The following PDLIM5 variants were observed in gnomAD, a reference collection of about 807,000 sequenced individuals.
PDLIM5 encodes PDZ and LIM domain 5, also known as PDZ and LIM domain protein 5.
Under a neutral mutation model 64.2 loss-of-function variants are expected in PDLIM5, and 34 were observed. That is an observed-to-expected ratio of 0.53 (90% CI 0.40 to 0.71). PDLIM5 has a LOEUF of 0.71. PDLIM5 is among the 30% of genes least tolerant of loss of function. PDLIM5 has a pLI of 0.00. For synonymous variants in PDLIM5, 253 were observed against 269.1 expected (o/e 0.94, Z 0.59); for missense variants, 683 against 733.6 (o/e 0.93, Z 0.80).
Position 94,654,602 on chromosome 4 carries a change from GC to G in PDLIM5, c.1430del (p.Pro477LeufsTer18), listed in dbSNP as rs768300385. On this transcript the variant is annotated frameshift_variant, in exon 10 of 13. Coordinates refer to ENST00000317968, the MANE Select transcript of PDLIM5 (RefSeq NM_006457.5). LOFTEE classifies it high-confidence loss of function. ...TGAGCTGTGCTATGAGAAATTCTTT[GC>G]CCCTGAATGTGGTCGATGCCAAAGG... Reference protein sequence around the residue: ...YCELCYEKFFAPECGRCQRKI... With the variant: ...YCELCYEKFFXPECGRCQRKI... The G allele has an allele frequency of 6.2e-7, 1 of 1,612,786 alleles. No homozygotes were observed. The highest frequency in any genetic ancestry group is 1.1e-5 in the South Asian group (1 of 90,990).
Position 94,526,130 on chromosome 4 carries a change from C to T in PDLIM5, c.248+2255C>T, listed in dbSNP as rs541079069. On this transcript the variant is annotated intron_variant, in intron 3 of 12. Transcript: ENST00000317968. ...AGGGTATGAGCTCTTTCATGGGTTGCGTACAATTTCTTTCATACCAGCCTG... is the reference window on the plus strand; with the variant it reads ...AGGGTATGAGCTCTTTCATGGGTTGTGTACAATTTCTTTCATACCAGCCTG... 9.2e-5 allele frequency among the ~76,000 whole-genome samples: 14 copies of T among 152,254 alleles called. No individual in the cohort carries two copies. In the East Asian group the frequency reaches 1.9e-3, roughly 21 times the overall value.
At chr4:94,479,756 TG>T (rs2126104708) in intron 2 of PDLIM5, among the ~76,000 whole-genome samples, 2 of 152,336 alleles carry the variant, frequency 1.3e-5, no homozygotes, top group South Asian at 4.1e-4. Context: ...TCATATCTTG[TG>T]TTTTTTTTAC....
chr4:94,610,933 G>T, intron 7 of PDLIM5: 1 of 602,690 alleles, frequency 1.7e-6, no homozygotes, highest in South Asian at 2.0e-5. Flanking sequence ...GCTGCTTTGT[G>T]CTTCCCCTCC....
At position 94,548,274 on chromosome 4, in the gene PDLIM5, C is replaced by T. The variant is rs538219160; in HGVS notation, c.248+24399C>T. Among the ~76,000 whole-genome samples, 27 of 152,278 alleles carry T rather than the reference C, an allele frequency of 1.8e-4. No homozygotes were observed. The South Asian group carries it at 5.6e-3, about 32-fold the overall frequency. ...CTTAATTCAGAAGAGCCCATACCTA[C>T]CACTCAAATGGATTGCCATCCAACA... On this transcript the variant is annotated intron_variant, in intron 3 of 12. Transcript: ENST00000317968.
chr4:94,481,831 G>C (rs1264715799), intron 2 of PDLIM5, among the ~76,000 whole-genome samples: 1 of 151,962 alleles, frequency 6.6e-6, no homozygotes, highest in Non-Finnish European at 1.5e-5. Context: ...GGATGGTCTT[G>C]ATCTCCTGAC....
chr4:94,456,997 A>C, intron 2 of PDLIM5: 1 of 981,628 alleles, frequency 1.0e-6, no homozygotes, highest in Non-Finnish European at 1.2e-6. Flanking sequence ...CTTTACCTTA[A>C]ATTTAGTTAG....
intron 5 of PDLIM5, among the ~76,000 whole-genome samples, chr4:94,576,522 ATG>A (rs1735275266): frequency 6.6e-6 from 1 of 152,214 alleles, no homozygotes; most frequent in African/African-American, 2.4e-5. Context: ...TCATGTCTAT[ATG>A]TGAAGCATTA....
chr4:94,604,655 C>T (rs1737768903), intron 7 of PDLIM5, among the ~76,000 whole-genome samples: 1 of 151,718 alleles, frequency 6.6e-6, no homozygotes, highest in Non-Finnish European at 1.5e-5. Context: ...TTAAAGTAGT[C>T]ATCTTCATAG....
Position 94,654,469 on chromosome 4 carries a change from C to T in PDLIM5, c.1293C>T (p.Phe431=). 1 of 1,607,960 alleles carries T rather than the reference C, an allele frequency of 6.2e-7. No homozygotes were observed. Among genetic ancestry groups the T allele is most frequent in the Admixed American group, 1.7e-5 (1 of 59,916 alleles). ...AHCNQVIRGP[F]LVALGKSWHP... ...CTTTTTCTTCTGTCAGAGGACCATT[C>T]TTAGTGGCACTGGGGAAATCTTGGC... Residue 431 remains phenylalanine (F), a synonymous_variant, in exon 10 of 13, where the codon TTC becomes TTT. Transcript: ENST00000317968.
chr4:94,582,630 T>G (rs894085542), intron 5 of PDLIM5: 4 of 780,280 alleles, frequency 5.1e-6, no homozygotes, highest in Admixed American at 2.4e-5. Flanking sequence ...TTTTCTCCCC[T>G]CTTTGTCTGT....
chr4:94,621,523 T>C (rs542132710), intron 8 of PDLIM5, among the ~76,000 whole-genome samples: 4 of 152,158 alleles, frequency 2.6e-5, no homozygotes, highest in Non-Finnish European at 2.9e-5. Context: ...ATTTCTGAGG[T>C]AGAAACCGAA....
chr4:94,605,353 G>A (rs369210263), intron 7 of PDLIM5, among the ~76,000 whole-genome samples: 1 of 150,926 alleles, frequency 6.6e-6, no homozygotes, highest in Admixed American at 6.5e-5. Context: ...CAGAGATGGT[G>A]CAGAAATAGA....
chr4:94,499,836 T>A (rs774112808), intron 2 of PDLIM5, among the ~76,000 whole-genome samples: 18 of 152,288 alleles, frequency 1.2e-4, no homozygotes, highest in Non-Finnish European at 2.2e-4. Context: ...CGAACCCTAT[T>A]GTGAACTGCA....
intron 3 of PDLIM5, among the ~76,000 whole-genome samples, chr4:94,534,996 A>G (rs1002032896): frequency 2.6e-5 from 4 of 152,226 alleles, no homozygotes; most frequent in Non-Finnish European, 5.9e-5. Flanking sequence ...TGAAGTCAGA[A>G]TACTAAGCCT....
intron 3 of PDLIM5, among the ~76,000 whole-genome samples, chr4:94,557,820 G>T (rs957805812): frequency 7.9e-5 from 12 of 152,284 alleles, no homozygotes; most frequent in African/African-American, 2.9e-4. Flanking sequence ...AGACGATGGA[G>T]TTTTCTAGAT....
intron 7 of PDLIM5, chr4:94,588,104 T>A: frequency 1.1e-6 from 1 of 933,356 alleles, no homozygotes; most frequent in Non-Finnish European, 1.3e-6. Flanking sequence ...GGAAAAGTAT[T>A]GTAATAAAGT....
intron 2 of PDLIM5, among the ~76,000 whole-genome samples, chr4:94,467,253 T>C (rs538246492): frequency 6.6e-6 from 1 of 152,314 alleles, no homozygotes; most frequent in South Asian, 2.1e-4. Flanking sequence ...TGGGTTGCCA[T>C]TGCAATCAAG....
At chr4:94,655,784 C>T (rs1398980458) in intron 10 of PDLIM5, among the ~76,000 whole-genome samples, 1 of 152,174 alleles carries the variant, frequency 6.6e-6, no homozygotes, top group African/African-American at 2.4e-5. Flanking sequence ...ATGGAAATCT[C>T]ATACTCATTG....
chr4:94,595,663 A>T (rs975996973), intron 7 of PDLIM5, among the ~76,000 whole-genome samples: 2 of 152,200 alleles, frequency 1.3e-5, no homozygotes, highest in Admixed American at 6.5e-5. Flanking sequence ...AAAATAGATT[A>T]ATGAAGAAAT....
Sources: allele counts gnomAD v4.1 joint callset (sites outside exome capture counted in the v4.1 genomes callset), GRCh38; gene constraint gnomAD v4.1.1; transcripts MANE v1.5; gene names NCBI Gene and HGNC (gene_info 2026-07-23, HGNC 2026-07-21).